Variants in ARHGEF17 observed in about 807,000 individuals in gnomAD.
The protein encoded by ARHGEF17 is Rho guanine nucleotide exchange factor 17, also known as 164 kDa Rho-specific guanine-nucleotide exchange factor.
A neutral mutation model predicts 174.0 loss-of-function variants in ARHGEF17; 80 were observed. The observed-to-expected ratio is 0.46, with a 90% CI of 0.38 to 0.55. The LOEUF is 0.55. Among genes scored for constraint, ARHGEF17 ranks in the 20% least tolerant of loss-of-function variants. The probability of loss-of-function intolerance (pLI) is 0.00; values close to 1 mark genes in which losing one functional copy is unlikely to be tolerated. For synonymous variants in ARHGEF17, 1,311 were observed against 1,189.1 expected, an observed-to-expected ratio of 1.10 and a Z score of -2.11; for missense variants, 2,886 against 2,839.7, an observed-to-expected ratio of 1.02 and a Z score of -0.37.
chr11:73,355,583 C>T lies in ARHGEF17; in HGVS notation c.3504C>T (p.Phe1168=). The T allele has an allele frequency of 1.2e-6, 2 of 1,614,210 alleles. No individual in the cohort carries two copies. The highest frequency in any genetic ancestry group is 1.7e-6 in the Non-Finnish European group (2 of 1,180,016). The change falls in exon 4 of 21, where the codon TTC becomes TTT. Residue 1168 remains phenylalanine, a synonymous_variant. Coordinates refer to ENST00000263674, the MANE Select transcript of ARHGEF17 (RefSeq NM_014786.4). ...TCTATTCTGCCTATATCGATAACTTCCTCAATGCAAAGGATGCTGTGCGTG... is the reference window on the plus strand; with the variant it reads ...TCTATTCTGCCTATATCGATAACTTTCTCAATGCAAAGGATGCTGTGCGTG... ...VNIYSAYIDN[F]LNAKDAVRVA... is the part of the protein sequence containing the mutation.
chr11:73,310,560 C>T lies in ARHGEF17; in HGVS notation c.1922C>T (p.Ser641Phe). 1 of 1,614,112 alleles carries T rather than the reference C, an allele frequency of 6.2e-7. No homozygotes were observed. The highest frequency in any genetic ancestry group is 8.5e-7 in the Non-Finnish European group (1 of 1,180,028). ...CAGGAGGAGCTCTCAGGCCCTGAGTCCAGTCTGACAGATGAAGGCATTGGG... is the reference window on the plus strand; with the variant it reads ...CAGGAGGAGCTCTCAGGCCCTGAGTTCAGTCTGACAGATGAAGGCATTGGG... ...RSQEELSGPE[S>F]SLTDEGIGAD... Residue 641 changes from serine (S) to phenylalanine (F), a missense_variant, in exon 1 of 21, where the codon TCC becomes TTC. Physicochemically the swap from Ser to Phe is radical, Grantham distance 155 (BLOSUM62 -2). Around this residue, in one of 4 missense-constraint regions of ARHGEF17, gnomAD observed 1,728 missense variants for 1,461.2 expected, o/e 1.18. Transcript: ENST00000263674.
intron 1 of ARHGEF17, among the ~76,000 whole-genome samples, chr11:73,344,232 C>T (rs1055228355): frequency 2.0e-5 from 3 of 152,198 alleles, no homozygotes; most frequent in Admixed American, 6.5e-5. Flanking sequence ...CGCTGTCTGC[C>T]TCCTGCCTCC....
At chr11:73,326,690 A>T (rs902300114) in intron 1 of ARHGEF17, among the ~76,000 whole-genome samples, 3 of 152,216 alleles carry the variant, frequency 2.0e-5, no homozygotes, top group Non-Finnish European at 4.4e-5. Context: ...TTGCACTCCA[A>T]CCTGGGCAAC....
Position 73,365,660 on chromosome 11 carries a change from G to A in ARHGEF17, c.5726-18G>A. On this transcript the variant is annotated intron_variant, in intron 19 of 20. Coordinates refer to ENST00000263674, the MANE Select transcript of ARHGEF17 (RefSeq NM_014786.4). This position sits in a 1 kb window ranked among gnomAD's most constrained non-coding sequence, Gnocchi z 4.9. The stretch of plus-strand genomic sequence containing the variant: ...GGGCCAGAATTCAGCCCCAGCTGTG[G>A]TCTGTCTCCCACCCCAGGCTCGGAT... 1 of 1,610,058 alleles carries A rather than the reference G, an allele frequency of 6.2e-7. No individual in the cohort carries two copies. Among genetic ancestry groups the A allele is most frequent in the Non-Finnish European group, 8.5e-7 (1 of 1,176,974 alleles).
At chr11:73,312,633 G>T (rs1376312198) in intron 1 of ARHGEF17, among the ~76,000 whole-genome samples, 3 of 152,122 alleles carry the variant, frequency 2.0e-5, no homozygotes, top group African/African-American at 7.2e-5. Context: ...GAGGATAGAG[G>T]CAGGGAGGGG....
At chr11:73,326,471 C>T (rs558090674) in intron 1 of ARHGEF17, among the ~76,000 whole-genome samples, 1 of 152,096 alleles carries the variant, frequency 6.6e-6, no homozygotes, top group South Asian at 2.1e-4. Context: ...TTTGGGAGGC[C>T]GAGGTTGGGA....
chr11:73,361,893 G>A, intron 12 of ARHGEF17, 147 bp from the exon 13 acceptor site: 1 of 813,992 alleles, frequency 1.2e-6, no homozygotes, highest in Non-Finnish European at 1.9e-6. Context: ...GTATGTGTAC[G>A]CGTGTGTAGA....
intron 17 of ARHGEF17, 106 bp downstream of exon 17, chr11:73,364,345 T>C: frequency 6.3e-7 from 1 of 1,598,498 alleles, no homozygotes; most frequent in East Asian, 2.2e-5. Context: ...CTGTGGGCCT[T>C]GGTTTCTTTG....
At chr11:73,326,026 G>A (rs556467316) in intron 1 of ARHGEF17, among the ~76,000 whole-genome samples, 17 of 152,246 alleles carry the variant, frequency 1.1e-4, no homozygotes, top group Non-Finnish European at 2.1e-4. Flanking sequence ...CTGAGTGGCG[G>A]GTTGGGGGAA....
At chr11:73,353,673 G>A (rs1319305043) in intron 3 of ARHGEF17, among the ~76,000 whole-genome samples, 2 of 151,942 alleles carry the variant, frequency 1.3e-5, no homozygotes. Context: ...CAGTGCCCCG[G>A]CTTCCCCTAC....
chr11:73,361,725 G>C lies in ARHGEF17; in HGVS notation c.4495-315G>C, dbSNP rs964858538. Among the ~76,000 whole-genome samples, 6 of 152,072 alleles carry C rather than the reference G, an allele frequency of 3.9e-5. No homozygotes were observed. The South Asian group carries it at 1.2e-3, about 32-fold the overall frequency. The stretch of plus-strand genomic sequence containing the variant: ...AAAAATTATCCACGTTTAGTGGCGC[G>C]CCCCTGTGGTCCCAGTTACTTAGGA... On this transcript the variant is annotated intron_variant, in intron 12 of 20. Coordinates refer to ENST00000263674, the MANE Select transcript of ARHGEF17 (RefSeq NM_014786.4).
chr11:73,308,901 G>C lies in ARHGEF17; in HGVS notation c.263G>C (p.Arg88Pro). Reference protein sequence around the residue: ...LSPSVRQLSRRFDAPRLDDGS... With the variant: ...LSPSVRQLSRPFDAPRLDDGS... ...CCGTCGGTTCGCCAGCTCTCCCGGC[G>C]CTTCGACGCGCCGCGTCTGGACGAC... The change falls in exon 1 of 21, where the codon CGC (arginine) becomes CCC (proline). Residue 88 changes from arginine to proline, a missense_variant. Coordinates refer to ENST00000263674, the MANE Select transcript of ARHGEF17 (RefSeq NM_014786.4). The C allele has an allele frequency of 7.3e-7, 1 of 1,362,840 alleles. No homozygotes were observed. The highest frequency in any genetic ancestry group is 1.7e-5 in the South Asian group (1 of 57,236). The allele number at this position is 1,362,840 out of a possible 1,614,324, so 84.4% of individuals were successfully genotyped here. A position where few individuals can be genotyped will look rare whatever the true frequency, so the allele number is the denominator to read the frequency against.
intron 1 of ARHGEF17, among the ~76,000 whole-genome samples, chr11:73,344,008 G>C (rs573626903): frequency 6.6e-6 from 1 of 152,198 alleles, no homozygotes; most frequent in Non-Finnish European, 1.5e-5. Flanking sequence ...CACTGTGCCC[G>C]TCAGGGTTTC....
chr11:73,355,471 G>A, intron 3 of ARHGEF17, 62 bp from the exon 4 acceptor site: 1 of 1,091,082 alleles, frequency 9.2e-7, no homozygotes. Flanking sequence ...GTGAAAACTA[G>A]GACAGGGTGA....
rs1591732297 is a variant in ARHGEF17 at position 73,329,348 on chromosome 11, TATATATATATATATATATATATA to T, written c.3192+17519_3193-17512del. ...ATATATATATATATATATATATATATATATATATATATATATATATATATATTTTTTTTTTTTTTTTGTATTTT... is the reference window on the plus strand; with the variant it reads ...ATATATATATATATATATATATATATTATTTTTTTTTTTTTTTTGTATTTT... On this transcript the variant is annotated intron_variant, in intron 1 of 20. Coordinates refer to ENST00000263674, the MANE Select transcript of ARHGEF17 (RefSeq NM_014786.4). 3.2e-4 allele frequency among the ~76,000 whole-genome samples: 13 copies of T among 40,378 alleles called. 1 individual carries two copies. Among genetic ancestry groups the T allele is most frequent in the South Asian group, 7.7e-4 (1 of 1,298 alleles). 26.5% of individuals were successfully genotyped at this position (40,378 alleles called of 152,430 possible). A position where few individuals can be genotyped will look rare whatever the true frequency, so the allele number is the denominator to read the frequency against.
chr11:73,361,286 C>T (rs1470066271), intron 12 of ARHGEF17, 125 bp downstream of exon 12: 2 of 861,292 alleles, frequency 2.3e-6, no homozygotes, highest in East Asian at 5.2e-5. Flanking sequence ...TTGGAGAATT[C>T]AGCTCTCTGT....
At chr11:73,360,619 G>C in intron 11 of ARHGEF17, 86 bp downstream of exon 11, 6 of 1,459,966 alleles carry the variant, frequency 4.1e-6, no homozygotes, top group African/African-American at 1.4e-5. Flanking sequence ...GTGACTTCAG[G>C]AGCCAGAACC....
chr11:73,362,042 C>G lies in ARHGEF17; in HGVS notation c.4497C>G (p.Phe1499Leu), dbSNP rs1232897495. Residue 1499 changes from phenylalanine (F) to leucine (L), a missense_variant and splice_region_variant, in exon 13 of 21, where the codon TTC becomes TTG. Transcript: ENST00000263674. ...PIMKTRSGMQ[F>L]SCAAPTLNSC... ...CTGTCCATTGGCGCCTCCTGCAGTT[C>G]TCCTGTGCGGCTCCCACCCTGAACA... 6.2e-7 allele frequency: 1 copy of G among 1,611,556 alleles called. No individual in the cohort carries two copies. The highest frequency in any genetic ancestry group is 1.7e-5 in the Admixed American group (1 of 59,960).
chr11:73,324,539 T>TGG (rs1455242676), intron 1 of ARHGEF17, among the ~76,000 whole-genome samples: 1 of 152,006 alleles, frequency 6.6e-6, no homozygotes, highest in African/African-American at 2.4e-5. Context: ...GGGGGTGGGA[T>TGG]GGGAAGCAGA....
Sources: allele counts gnomAD v4.1 joint callset (sites outside exome capture counted in the v4.1 genomes callset), GRCh38; gene constraint gnomAD v4.1.1; regional missense constraint gnomAD v4.1.1; non-coding constraint Gnocchi (gnomAD v3.1); transcripts MANE v1.5; gene names NCBI Gene and HGNC (gene_info 2026-07-23, HGNC 2026-07-21).